Variants in CYTH3 observed in about 807,000 individuals in gnomAD.
CYTH3 encodes the protein cytohesin 3.
Under a neutral mutation model 55.1 loss-of-function variants are expected in CYTH3, and 23 were observed. That is an observed-to-expected ratio of 0.42 (90% CI 0.30 to 0.59). CYTH3 has a LOEUF of 0.59. Among genes scored for constraint, CYTH3 ranks in the 20% least tolerant of loss-of-function variants. CYTH3 has a pLI of 0.20. For missense variants in CYTH3, 413 were observed against 524.8 expected (o/e 0.79, Z 2.08); for synonymous variants, 249 against 194.9 (o/e 1.28, Z -2.31).
intron 6 of CYTH3, chr7:6,172,891 C>G: frequency 8.0e-7 from 1 of 1,242,514 alleles, no homozygotes; most frequent in Non-Finnish European, 1.0e-6. Context: ...AAAAACGCTG[C>G]CAACATTGCA....
At chr7:6,168,596 C>A (rs1250632008) in intron 9 of CYTH3, among the ~76,000 whole-genome samples, 1 of 152,200 alleles carries the variant, frequency 6.6e-6, no homozygotes, top group Non-Finnish European at 1.5e-5. Flanking sequence ...CCGCCCACCA[C>A]ACTGAGGCCA....
At chr7:6,256,966 C>A (rs1376068927) in intron 1 of CYTH3, among the ~76,000 whole-genome samples, 8 of 152,204 alleles carry the variant, frequency 5.3e-5, no homozygotes. Flanking sequence ...TTTGTGAAAA[C>A]TGAAACATCC....
At chr7:6,243,853 A>C (rs1779738052) in intron 1 of CYTH3, among the ~76,000 whole-genome samples, 1 of 152,226 alleles carries the variant, frequency 6.6e-6, no homozygotes, top group Non-Finnish European at 1.5e-5. Flanking sequence ...GTCAGAGATA[A>C]TCTAGGAGAA....
intron 4 of CYTH3, among the ~76,000 whole-genome samples, chr7:6,179,263 G>C (rs1057405206): frequency 6.6e-6 from 1 of 152,088 alleles, no homozygotes; most frequent in East Asian, 1.9e-4. Flanking sequence ...AAGACGACAC[G>C]GAAGAGTATT....
intron 4 of CYTH3, among the ~76,000 whole-genome samples, chr7:6,180,692 A>G (rs1783483757): frequency 6.6e-6 from 1 of 152,234 alleles, no homozygotes; most frequent in South Asian, 2.1e-4. Context: ...CTCATAAAAG[A>G]AAGTGAGTGT....
intron 1 of CYTH3, among the ~76,000 whole-genome samples, chr7:6,237,985 A>G (rs1469524822): frequency 6.6e-6 from 1 of 152,236 alleles, no homozygotes; most frequent in Non-Finnish European, 1.5e-5. Flanking sequence ...TTACGCAATG[A>G]GTATAGAGTC....
At chr7:6,210,967 G>A (rs370861747) in intron 1 of CYTH3, among the ~76,000 whole-genome samples, 1 of 152,134 alleles carries the variant, frequency 6.6e-6, no homozygotes, top group Non-Finnish European at 1.5e-5. Flanking sequence ...TCGATATTCC[G>A]GAATTTTTTC....
At chr7:6,177,793 G>T in intron 5 of CYTH3, 30 bp downstream of exon 5, 1 of 1,554,048 alleles carries the variant, frequency 6.4e-7, no homozygotes, top group Non-Finnish European at 8.9e-7. Context: ...AGTGGCCCCA[G>T]GTAGGGCTTT....
rs928901904 is a variant in CYTH3 at position 6,169,296 on chromosome 7, T to C, written c.823+1239A>G. On this transcript the variant is annotated intron_variant, in intron 9 of 12. Coordinates refer to ENST00000350796, the MANE Select transcript of CYTH3 (RefSeq NM_004227.4). The surrounding 1 kb of genome is among the most constrained non-coding windows in gnomAD (Gnocchi z 4.1). ...AGAGCAGTGGCACAGTCATGGTTCA[T>C]TGGAGCCTCAACCTCCTGGGCTCAG... is the stretch of plus-strand genomic sequence containing the variant. 2.6e-5 allele frequency among the ~76,000 whole-genome samples: 4 copies of C among 152,136 alleles called. No individual in the cohort carries two copies. The highest frequency in any genetic ancestry group is 2.1e-4 in the South Asian group (1 of 4,824).
intron 10 of CYTH3, 22 bp from the exon 11 acceptor site, chr7:6,165,638 C>T (rs377725186): frequency 5.9e-5 from 95 of 1,612,968 alleles, no homozygotes; most frequent in Admixed American, 1.8e-4. Flanking sequence ...AAGTACACGG[C>T]GGGGCTCACT....
At chr7:6,168,493 G>T (rs998373096) in intron 9 of CYTH3, among the ~76,000 whole-genome samples, 1 of 152,122 alleles carries the variant, frequency 6.6e-6, no homozygotes, top group Non-Finnish European at 1.5e-5. Flanking sequence ...CCAGCCTTTG[G>T]TCTCGAACTT....
At chr7:6,225,422 C>A (rs967180837) in intron 1 of CYTH3, among the ~76,000 whole-genome samples, 1 of 150,480 alleles carries the variant, frequency 6.6e-6, no homozygotes, top group Admixed American at 6.6e-5. Flanking sequence ...GGCACGATCT[C>A]GGCTCACCAC....
chr7:6,210,037 C>T (rs1222057520), intron 1 of CYTH3, among the ~76,000 whole-genome samples: 1 of 152,072 alleles, frequency 6.6e-6, no homozygotes, highest in East Asian at 1.9e-4. Context: ...AATGGTGGAT[C>T]CATGTCATTA....
chr7:6,187,838 G>A, intron 2 of CYTH3, 117 bp from the exon 3 acceptor site: 2 of 832,460 alleles, frequency 2.4e-6, no homozygotes, highest in Non-Finnish European at 4.2e-6. Context: ...GAGCATCACA[G>A]GGATGGAAAA....
In CYTH3 at chr7:6,170,897, G is replaced by A. The variant is rs1783168164; in HGVS notation, c.644C>T (p.Ala215Val). ...HNHNVRDKPT[A>V]ERFIAMNRGI... is the part of the protein sequence containing the mutation. ...GCGGTTCATGGCGATGAACCGTTCT[G>A]CCGTGGGCTTGTCACGCACGTTGTG... The change falls in exon 8 of 13, where the codon GCA becomes GTA. Residue 215 changes from alanine to valine, a missense_variant. Physicochemically the swap from Ala to Val is moderately conservative, Grantham distance 64 (BLOSUM62 0). This residue lies in a region of CYTH3 where 156 missense variants were observed against 233.1 expected (regional missense o/e 0.67). Transcript: ENST00000350796. This position sits in a 1 kb window ranked among gnomAD's most constrained non-coding sequence, Gnocchi z 7.8. The A allele has an allele frequency of 1.9e-6, 3 of 1,613,946 alleles. No homozygotes were observed. Among genetic ancestry groups the A allele is most frequent in the Non-Finnish European group, 2.5e-6 (3 of 1,179,914 alleles).
chr7:6,233,105 G>A (rs1779428761), intron 1 of CYTH3, among the ~76,000 whole-genome samples: 1 of 152,098 alleles, frequency 6.6e-6, no homozygotes, highest in African/African-American at 2.4e-5. Flanking sequence ...CATTCCAGTT[G>A]TCTACCTTCC....
At chr7:6,185,570 G>A (rs1783621701) in intron 4 of CYTH3, among the ~76,000 whole-genome samples, 1 of 151,914 alleles carries the variant, frequency 6.6e-6, no homozygotes, top group Non-Finnish European at 1.5e-5. Flanking sequence ...CATGGTGGCA[G>A]GCACCTGTAG....
In CYTH3 at chr7:6,187,607, G is replaced by C. The variant is rs781462301; in HGVS notation, c.182+50C>G. On this transcript the variant is annotated intron_variant, in intron 3 of 12. Transcript: ENST00000350796. ...TCTGCAAGTTTGACTACAGGATGGA[G>C]GTAGAAAGAAAAGAGTAAATAGCTT... 4.7e-6 allele frequency: 7 copies of C among 1,504,530 alleles called. No individual in the cohort carries two copies. In the East Asian group the frequency reaches 1.6e-4, roughly 34 times the overall value. The allele number at this position is 1,504,530 out of a possible 1,614,324, so 93.2% of individuals were successfully genotyped here. A position where few individuals can be genotyped will look rare whatever the true frequency, so the allele number is the denominator to read the frequency against.
chr7:6,170,030 G>A lies in CYTH3; in HGVS notation c.823+505C>T, dbSNP rs77357873. On this transcript the variant is annotated intron_variant, in intron 9 of 12. Transcript: ENST00000350796. This position sits in a 1 kb window ranked among gnomAD's most constrained non-coding sequence, Gnocchi z 7.8. The stretch of plus-strand genomic sequence containing the variant: ...GCTCACACAGACCAACGTGGGGAGA[G>A]CGAGAGGAATGAGCCGCTGAGGGGG... The A allele has an allele frequency of 7.7e-4, 129 of 168,282 alleles. 3 individuals carry two copies. In the East Asian group the frequency reaches 0.021, roughly 27 times the overall value. The allele number at this position is 168,282 out of a possible 1,614,324, so 10.4% of individuals were successfully genotyped here. A position where few individuals can be genotyped will look rare whatever the true frequency, so the allele number is the denominator to read the frequency against.
Sources: allele counts gnomAD v4.1 joint callset (sites outside exome capture counted in the v4.1 genomes callset), GRCh38; gene constraint gnomAD v4.1.1; regional missense constraint gnomAD v4.1.1; non-coding constraint Gnocchi (gnomAD v3.1); transcripts MANE v1.5; gene names NCBI Gene and HGNC (gene_info 2026-07-23, HGNC 2026-07-21).